Variants in ITCH observed in about 807,000 individuals in gnomAD.
ITCH encodes the protein E3 ubiquitin-protein ligase Itchy homolog.
Under a neutral mutation model 126.8 loss-of-function variants are expected in ITCH, and 28 were observed. That is an observed-to-expected ratio of 0.22 (90% CI 0.16 to 0.30). The LOEUF (loss-of-function observed/expected upper bound fraction) is 0.30. Among genes scored for constraint, ITCH ranks in the 10% least tolerant of loss-of-function variants. The pLI is 1.00. For synonymous variants in ITCH, 342 were observed against 340.0 expected, an observed-to-expected ratio of 1.01 and a Z score of -0.06; for missense variants, 631 against 1,032.4, an observed-to-expected ratio of 0.61 and a Z score of 5.33.
intron 3 of ITCH, among the ~76,000 whole-genome samples, chr20:34,406,894 A>G (rs1195553819): frequency 6.6e-6 from 1 of 152,136 alleles, no homozygotes; most frequent in Non-Finnish European, 1.5e-5. Flanking sequence ...GGGTTCCTTA[A>G]CTTTGATGAG....
At chr20:34,400,646 C>CTTTTTTTTTT (rs760416482) in intron 3 of ITCH, among the ~76,000 whole-genome samples, 1 of 120,022 alleles carries the variant, frequency 8.3e-6, no homozygotes, top group Non-Finnish European at 1.7e-5. Context: ...AAAAATTTTT[C>CTTTTTTTTTT]TTTTTTTTTT....
At chr20:34,378,287 A>G (rs1325398790) in intron 2 of ITCH, among the ~76,000 whole-genome samples, 1 of 151,992 alleles carries the variant, frequency 6.6e-6, no homozygotes, top group Non-Finnish European at 1.5e-5. Context: ...CCTGGCCAAC[A>G]TGGTGAAACC....
intron 20 of ITCH, among the ~76,000 whole-genome samples, chr20:34,486,245 C>T (rs1011944420): frequency 6.6e-6 from 1 of 151,820 alleles, no homozygotes; most frequent in Non-Finnish European, 1.5e-5. Flanking sequence ...TCTCCAAACT[C>T]CTGGATCCAA....
chr20:34,477,777 G>A lies in ITCH; in HGVS notation c.1575G>A (p.Met525Ile), dbSNP rs1270291556. The change falls in exon 17 of 25, where the codon ATG (methionine) becomes ATA (isoleucine). Residue 525 changes from methionine (M) to isoleucine (I), a missense_variant. Met to Ile is a conservative substitution (Grantham distance 10). This residue lies in a region of ITCH where 390 missense variants were observed against 731.6 expected (regional missense o/e 0.53). Transcript: ENST00000374864. The stretch of plus-strand genomic sequence containing the variant: ...TTTACTTTATTTTTTTTTAGATAAT[G>A]AGCTTCAGTCCCCAAGATCTGCGAA... The part of the protein sequence containing the change: ...TLFEDSFQQI[M>I]SFSPQDLRRR... 6.2e-7 allele frequency: 1 copy of A among 1,613,044 alleles called. No homozygotes were observed. Among genetic ancestry groups the A allele is most frequent in the South Asian group, 1.1e-5 (1 of 90,998 alleles).
chr20:34,371,561 G>A (rs538842300), intron 2 of ITCH, among the ~76,000 whole-genome samples: 1 of 152,236 alleles, frequency 6.6e-6, no homozygotes, highest in Non-Finnish European at 1.5e-5. Flanking sequence ...TGGGATTATA[G>A]GCGTGAGCCA....
intron 10 of ITCH, among the ~76,000 whole-genome samples, chr20:34,444,322 G>A (rs866994811): frequency 4.6e-5 from 7 of 152,114 alleles, no homozygotes; most frequent in Non-Finnish European, 7.4e-5. Context: ...GGTGGTTCAC[G>A]CCTGTAATCC....
rs148100263 is a variant in ITCH, at chr20:34,398,798, A to G, written c.70+4917A>G. 8.0e-3 allele frequency among the ~76,000 whole-genome samples: 1,220 copies of G among 152,200 alleles called. 7 individuals are homozygous for G. Among genetic ancestry groups the G allele is most frequent in the Admixed American group, 0.013 (205 of 15,290 alleles). ...TCTGAGAATGCTCAAGTGTAGGGCA[A>G]AAAACAAACACACCATGAATAATGG... is the stretch of plus-strand genomic sequence containing the variant. On this transcript the variant is annotated intron_variant, in intron 3 of 24. Coordinates refer to ENST00000374864, the MANE Select transcript of ITCH (RefSeq NM_031483.7).
At chr20:34,450,713 A>T (rs942714823) in intron 12 of ITCH, among the ~76,000 whole-genome samples, 5 of 152,188 alleles carry the variant, frequency 3.3e-5, no homozygotes, top group Admixed American at 6.5e-5. Flanking sequence ...TAATATTGGG[A>T]TAAATTCAGA....
At chr20:34,441,699 CCT>C (rs1288568344) in intron 9 of ITCH, 1 of 169,612 alleles carries the variant, frequency 5.9e-6, no homozygotes, top group Non-Finnish European at 1.3e-5. Context: ...GATTCTCCTG[CCT>C]CAGCCTCCTG....
chr20:34,414,457 CTTTTTTTTTTTTTT>C (rs770240058), intron 6 of ITCH, among the ~76,000 whole-genome samples: 27 of 70,826 alleles, frequency 3.8e-4, no homozygotes, highest in South Asian at 1.6e-3. Flanking sequence ...ACTTTAAATC[CTTTTTTTTTTTTTT>C]TTTTTTTTTT....
At position 34,507,846 on chromosome 20, in the gene ITCH, C is replaced by G; in HGVS notation, c.*52C>G. Reference sequence around the variant, plus strand: ...GCAAGAACTTATTTGCAATGTTTGTCCTTCTCTGCCTGTTGCACATCTTGT... The same window carrying G: ...GCAAGAACTTATTTGCAATGTTTGTGCTTCTCTGCCTGTTGCACATCTTGT... On this transcript the variant is annotated 3_prime_UTR_variant, in exon 25 of 25. Transcript: ENST00000374864. 7.7e-7 allele frequency: 1 copy of G among 1,295,092 alleles called. No individual in the cohort carries two copies. The highest frequency in any genetic ancestry group is 1.1e-6 in the Non-Finnish European group (1 of 890,866). 80.2% of individuals were successfully genotyped at this position (1,295,092 alleles called of 1,614,324 possible).
Position 34,484,501 on chromosome 20 carries a change from T to C in ITCH, c.2093+3295T>C, listed in dbSNP as rs148445774. On this transcript the variant is annotated intron_variant, in intron 20 of 24. Coordinates refer to ENST00000374864, the MANE Select transcript of ITCH (RefSeq NM_031483.7). The stretch of plus-strand genomic sequence containing the variant: ...ATTCTCCAGTTTTTTTGTTATGATA[T>C]GTCTAGATTTTCTTATGACATATAT... 1.7e-3 allele frequency among the ~76,000 whole-genome samples: 256 copies of C among 152,340 alleles called. 2 individuals carry two copies. Among genetic ancestry groups the C allele is most frequent in the Admixed American group, 3.2e-3 (49 of 15,300 alleles).
chr20:34,493,246 G>A (rs1306964013), intron 23 of ITCH, among the ~76,000 whole-genome samples: 1 of 152,152 alleles, frequency 6.6e-6, no homozygotes, highest in Non-Finnish European at 1.5e-5. Flanking sequence ...GAAGCAGAGA[G>A]TCAAAATTAG....
chr20:34,495,294 A>ATAAAAAATATATATATATAT (rs1555885663), intron 23 of ITCH, among the ~76,000 whole-genome samples: 2 of 120,528 alleles, frequency 1.7e-5, no homozygotes, highest in African/African-American at 6.3e-5. Flanking sequence ...AAATAAATAA[A>ATAAAAAATATATATATATAT]ATATATATAT....
chr20:34,410,947 A>G (rs1456761043), intron 4 of ITCH, among the ~76,000 whole-genome samples: 1 of 152,084 alleles, frequency 6.6e-6, no homozygotes, highest in Non-Finnish European at 1.5e-5. Context: ...AATTCAAGTT[A>G]TTTTCCTGAA....
At chr20:34,388,082 C>T (rs2038353965) in intron 2 of ITCH, among the ~76,000 whole-genome samples, 1 of 151,494 alleles carries the variant, frequency 6.6e-6, no homozygotes, top group African/African-American at 2.4e-5. Flanking sequence ...AGATTGCATA[C>T]TGCTGTACTT....
intron 7 of ITCH, among the ~76,000 whole-genome samples, chr20:34,435,495 GAA>G (rs1568937588): frequency 6.6e-6 from 1 of 152,008 alleles, no homozygotes; most frequent in Non-Finnish European, 1.5e-5. Flanking sequence ...TAAGAGGGGA[GAA>G]AAGAGTTTTT....
At chr20:34,396,651 G>A (rs1220437636) in intron 3 of ITCH, among the ~76,000 whole-genome samples, 5 of 151,994 alleles carry the variant, frequency 3.3e-5, no homozygotes, top group African/African-American at 1.2e-4. Flanking sequence ...TGGGACTACA[G>A]GCATGCACCA....
chr20:34,398,250 A>G (rs1010567093), intron 3 of ITCH, among the ~76,000 whole-genome samples: 5 of 151,630 alleles, frequency 3.3e-5, no homozygotes, highest in Non-Finnish European at 7.4e-5. Context: ...TTTTATAGAG[A>G]TGGCGTTTTG....
Sources: gnomAD v4.1 joint callset for allele counts (sites outside exome capture counted in the v4.1 genomes callset) on GRCh38, gnomAD v4.1.1 for gene constraint, gnomAD v4.1.1 regional missense constraint, MANE v1.5 for transcripts, NCBI Gene and HGNC (gene_info 2026-07-23, HGNC 2026-07-21) for gene names.